SPATA13: variants seen among roughly 807,000 people sequenced by gnomAD.
SPATA13 encodes spermatogenesis associated 13.
A neutral mutation model predicts 104.0 loss-of-function variants in SPATA13; 50 were observed. The observed-to-expected ratio is 0.48, with a 90% CI of 0.38 to 0.61. The LOEUF is 0.61. Ranked by LOEUF, SPATA13 falls within the 20% of genes least tolerant of loss-of-function variation. SPATA13 has a pLI of 0.00. For missense variants in SPATA13, 1,524 were observed against 1,690.6 expected (o/e 0.90, Z 1.73); for synonymous variants, 606 against 667.5 (o/e 0.91, Z 1.42).
rs1881093599 is a variant in SPATA13 at position 24,123,119 on chromosome 13, A to G, written c.-111-99700A>G. ...ATTCACAGATCATTTTCTGAATTGC[A>G]TGGGTAAGGTCATCATTTTCTGTTT... On this transcript the variant is annotated intron_variant, in intron 3 of 14. Transcript: ENST00000424834. 31 of 1,011,290 alleles carry G rather than the reference A, an allele frequency of 3.1e-5. 1 individual carries two copies. The Admixed American group carries it at 3.9e-4, about 13-fold the overall frequency. 62.6% of individuals were successfully genotyped at this position (1,011,290 alleles called of 1,614,324 possible). A position where few individuals can be genotyped will look rare whatever the true frequency, so the allele number is the denominator to read the frequency against.
chr13:24,160,536 G>C (rs1425450122), upstream of SPATA13, among the ~76,000 whole-genome samples: 1 of 152,190 alleles, frequency 6.6e-6, no homozygotes, highest in Non-Finnish European at 1.5e-5. Context: ...GAGCCACTGC[G>C]CCTGGCCGGG....
chr13:23,982,323 AAT>A (rs1270471613), intron 1 of SPATA13, among the ~76,000 whole-genome samples: 1 of 152,186 alleles, frequency 6.6e-6, no homozygotes, highest in African/African-American at 2.4e-5. Flanking sequence ...TCTTTGAACT[AAT>A]TTTATAAGCT....
At chr13:24,181,248 A>G (rs1468156783) in intron 1 of SPATA13, among the ~76,000 whole-genome samples, 1 of 152,162 alleles carries the variant, frequency 6.6e-6, no homozygotes, top group Non-Finnish European at 1.5e-5. Flanking sequence ...CACTTAGTCC[A>G]CTCTAAATGT....
upstream of SPATA13, among the ~76,000 whole-genome samples, chr13:24,159,499 G>A (rs770384836): frequency 3.9e-5 from 6 of 151,972 alleles, no homozygotes; most frequent in Non-Finnish European, 7.4e-5. Context: ...ACTCCCTCAC[G>A]CCCCTCCCTC....
rs1873873316 is a variant in SPATA13, at chr13:24,258,050, T to C, written c.2164+6188T>C. ...TTCAAAACTAGCCTAACCAACATGG[T>C]GAAACCTCATCTCTTTCTCTACTAA... On this transcript the variant is annotated intron_variant, in intron 4 of 12. Coordinates refer to ENST00000382108, the MANE Select transcript of SPATA13 (RefSeq NM_001166271.3). 2.0e-5 allele frequency among the ~76,000 whole-genome samples: 3 copies of C among 152,166 alleles called. No individual in the cohort carries two copies. The South Asian group carries it at 6.2e-4, about 32-fold the overall frequency.
At chr13:24,199,015 C>CT (rs148171970) in intron 1 of SPATA13, among the ~76,000 whole-genome samples, 43,266 of 144,192 alleles carry the variant, frequency 0.3, 6,558 homozygotes, top group Non-Finnish European at 0.35. Context: ...GTGGTTCATT[C>CT]TTTGTTCTCT....
At chr13:24,012,968 C>T (rs550078287) in intron 2 of SPATA13, among the ~76,000 whole-genome samples, 44 of 152,256 alleles carry the variant, frequency 2.9e-4, no homozygotes, top group Non-Finnish European at 4.9e-4. Flanking sequence ...CAGGCCAGCC[C>T]GACACCTTCT....
chr13:24,302,706 C>A lies in SPATA13; in HGVS notation c.3767C>A (p.Ala1256Glu). The A allele has an allele frequency of 6.2e-7, 1 of 1,614,092 alleles. No individual in the cohort carries two copies. Among genetic ancestry groups the A allele is most frequent in the Non-Finnish European group, 8.5e-7 (1 of 1,180,030 alleles). Residue 1256 changes from alanine (A) to glutamate (E), a missense_variant, in exon 13 of 13, where the codon GCG becomes GAG. Transcript: ENST00000382108. ...CCCCAGCAGCAGGTCTTTGGCCTGG[C>A]GGAACCCAAGAGGAAGTCCTCGCTC... ...SVPQQQVFGL[A>E]EPKRKSSLFW...
At chr13:24,108,395 G>A (rs896433302) in intron 3 of SPATA13, among the ~76,000 whole-genome samples, 4 of 152,180 alleles carry the variant, frequency 2.6e-5, no homozygotes, top group Non-Finnish European at 5.9e-5. Context: ...CTAGTGGGAC[G>A]TGTGCCTGTT....
Position 24,077,888 on chromosome 13 carries a change from T to G in SPATA13, c.-112+60187T>G, listed in dbSNP as rs145958996. 5.6e-3 allele frequency among the ~76,000 whole-genome samples: 855 copies of G among 152,286 alleles called. 3 individuals carry two copies. Among genetic ancestry groups the G allele is most frequent in the Middle Eastern group, 0.037 (11 of 294 alleles). ...TGGTCTGCTCTGGGGCCCACAACTC[T>G]TTGTTCCCTTGGTTGGTCCCACATC... On this transcript the variant is annotated intron_variant, in intron 3 of 14. Coordinates refer to the SPATA13 transcript ENST00000424834.
chr13:24,112,553 T>TAC lies in SPATA13; in HGVS notation c.-112+94872_-112+94873dup, dbSNP rs3075291. 5.5e-3 allele frequency among the ~76,000 whole-genome samples: 825 copies of TAC among 150,120 alleles called. 9 individuals are homozygous for TAC. Among genetic ancestry groups the TAC allele is most frequent in the African/African-American group, 0.014 (587 of 41,104 alleles). On this transcript the variant is annotated intron_variant, in intron 3 of 14. Coordinates refer to the SPATA13 transcript ENST00000424834. Reference sequence around the variant, plus strand: ...TGCATCCCATTTCTTGTGCCAGGCATACACACACACACACACACACAAACC... The same window carrying TAC: ...TGCATCCCATTTCTTGTGCCAGGCATACACACACACACACACACACACAAACC...
chr13:24,059,515 T>C (rs539695396), intron 3 of SPATA13, among the ~76,000 whole-genome samples: 1 of 152,206 alleles, frequency 6.6e-6, no homozygotes, highest in Non-Finnish European at 1.5e-5. Context: ...AACGCTTTTG[T>C]TTCTGAGGTG....
At chr13:24,264,675 G>A (rs914070522) in intron 4 of SPATA13, among the ~76,000 whole-genome samples, 2 of 152,160 alleles carry the variant, frequency 1.3e-5, no homozygotes, top group Non-Finnish European at 2.9e-5. Context: ...AATCCCTGTT[G>A]TGTTCTTGTT....
intron 3 of SPATA13, among the ~76,000 whole-genome samples, chr13:24,099,559 A>G (rs554052466): frequency 3.7e-4 from 56 of 152,324 alleles, no homozygotes; most frequent in Middle Eastern, 3.4e-3. Flanking sequence ...TGCATCCACA[A>G]GCACTGGCCT....
At chr13:24,265,294 A>G (rs1453059341) in intron 4 of SPATA13, among the ~76,000 whole-genome samples, 1 of 152,208 alleles carries the variant, frequency 6.6e-6, no homozygotes, top group Non-Finnish European at 1.5e-5. Flanking sequence ...AGTTTGTGCT[A>G]GGACATGCCA....
intron 1 of SPATA13, among the ~76,000 whole-genome samples, chr13:24,169,195 G>A (rs899838556): frequency 3.9e-5 from 6 of 152,090 alleles, no homozygotes; most frequent in Admixed American, 3.3e-4. Context: ...CTCTTTACTC[G>A]GTGGTTGCCT....
chr13:24,085,005 C>G (rs1593319375), intron 3 of SPATA13, among the ~76,000 whole-genome samples: 2 of 152,288 alleles, frequency 1.3e-5, no homozygotes, highest in African/African-American at 4.8e-5. Context: ...AATAAACCCC[C>G]CTAAGTCAGC....
chr13:23,990,461 G>A (rs1219815717), intron 2 of SPATA13, among the ~76,000 whole-genome samples: 1 of 152,106 alleles, frequency 6.6e-6, no homozygotes, highest in African/African-American at 2.4e-5. Context: ...AACTCAGGGT[G>A]CTCCCTTGTT....
intron 1 of SPATA13, among the ~76,000 whole-genome samples, chr13:24,202,921 T>A (rs1262863650): frequency 3.3e-5 from 5 of 152,108 alleles, no homozygotes; most frequent in Admixed American, 6.5e-5. Context: ...AGGAAAACCC[T>A]AACTTAGGAA....
Sources: gnomAD v4.1 joint callset for allele counts (sites outside exome capture counted in the v4.1 genomes callset) on GRCh38, gnomAD v4.1.1 for gene constraint, MANE v1.5 for transcripts, NCBI Gene and HGNC (gene_info 2026-07-23, HGNC 2026-07-21) for gene names.